The following STK39 variants were observed in gnomAD, a reference collection of about 807,000 sequenced individuals.
STK39 encodes the protein serine/threonine kinase 39, also known as STE20/SPS1-related proline-alanine-rich protein kinase.
In STK39, 20 loss-of-function variants were observed where a neutral mutation model predicts 77.8. That is an observed-to-expected ratio of 0.26 (90% CI 0.18 to 0.37). STK39 has a LOEUF of 0.37. STK39 is among the 10% of genes least tolerant of loss of function. The pLI, the probability that STK39 is intolerant of heterozygous loss-of-function variation, is 1.00. For synonymous variants in STK39, 246 were observed against 234.1 expected (o/e 1.05, Z -0.47); for missense variants, 479 against 656.5 (o/e 0.73, Z 2.95).
intron 16 of STK39, among the ~76,000 whole-genome samples, chr2:167,986,990 C>A (rs566867719): frequency 6.6e-6 from 1 of 152,288 alleles, no homozygotes; most frequent in East Asian, 1.9e-4. Flanking sequence ...AAAGGGCCAA[C>A]AAGACTGTGG....
chr2:168,015,068 A>T (rs1684371865), intron 15 of STK39, among the ~76,000 whole-genome samples: 1 of 152,236 alleles, frequency 6.6e-6, no homozygotes, highest in South Asian at 2.1e-4. Flanking sequence ...GTATGCATGT[A>T]AGTAAGATAC....
At chr2:168,011,867 C>A (rs1684279470) in intron 16 of STK39, among the ~76,000 whole-genome samples, 1 of 152,144 alleles carries the variant, frequency 6.6e-6, no homozygotes, top group African/African-American at 2.4e-5. Context: ...AGTGAAAGAA[C>A]CGGCCTGAAT....
chr2:168,184,227 T>C (rs970943042), intron 1 of STK39, among the ~76,000 whole-genome samples: 5 of 152,118 alleles, frequency 3.3e-5, no homozygotes, highest in African/African-American at 1.2e-4. Flanking sequence ...GAACAAAAAA[T>C]AAGAATTCTA....
At position 167,990,411 on chromosome 2, in the gene STK39, T is replaced by TTGGA. The variant is rs1362130867; in HGVS notation, c.1498+22222_1498+22223insTCCA. ...TACAAACAGATATCCAATTCTTCGT[T>TTGGA]TAGCAGAAGGTGAAATTTGGCACTG... On this transcript the variant is annotated intron_variant, in intron 16 of 17. Transcript: ENST00000355999. Among the ~76,000 whole-genome samples, 26 of 152,336 alleles carry TTGGA rather than the reference T, an allele frequency of 1.7e-4. No homozygotes were observed. The East Asian group carries it at 3.9e-3, about 23-fold the overall frequency.
At chr2:168,102,953 A>AC (rs1686874340) in intron 10 of STK39, among the ~76,000 whole-genome samples, 1 of 151,390 alleles carries the variant, frequency 6.6e-6, no homozygotes, top group Non-Finnish European at 1.5e-5. Flanking sequence ...AAAAAAAAAA[A>AC]AAATCTCTTC....
intron 1 of STK39, among the ~76,000 whole-genome samples, chr2:168,204,384 G>A (rs1004731361): frequency 6.6e-6 from 1 of 152,160 alleles, no homozygotes; most frequent in Non-Finnish European, 1.5e-5. Context: ...ACAAAGGAAA[G>A]AATCTGTCAT....
At chr2:168,193,677 G>A (rs1056755041) in intron 1 of STK39, among the ~76,000 whole-genome samples, 5 of 152,248 alleles carry the variant, frequency 3.3e-5, no homozygotes, top group Non-Finnish European at 5.9e-5. Context: ...TTTAGTCTTG[G>A]GGCTGGGGGC....
chr2:168,055,772 G>C (rs915939409), intron 14 of STK39, among the ~76,000 whole-genome samples: 6 of 152,164 alleles, frequency 3.9e-5, no homozygotes, highest in Admixed American at 3.3e-4. Context: ...AACATGTTTT[G>C]TGCCAAATGC....
chr2:168,132,216 G>A (rs1417967374), intron 8 of STK39, among the ~76,000 whole-genome samples: 1 of 152,152 alleles, frequency 6.6e-6, no homozygotes, highest in East Asian at 1.9e-4. Context: ...TTTTTAATGT[G>A]AAAAGAACCC....
Position 167,955,157 on chromosome 2 carries a change from G to A in STK39, c.*339C>T. 5.7e-6 allele frequency: 1 copy of A among 174,726 alleles called. No homozygotes were observed. Among genetic ancestry groups the A allele is most frequent in the Non-Finnish European group, 1.2e-5 (1 of 81,750 alleles). The allele number at this position is 174,726 out of a possible 1,614,324, so 10.8% of individuals were successfully genotyped here. A position where few individuals can be genotyped will look rare whatever the true frequency, so the allele number is the denominator to read the frequency against. ...TTGTTGCCAATAAATAAGACCACCT[G>A]AGTGTATTTCAGATTCTTTTCACTT... is the stretch of plus-strand genomic sequence containing the variant. On this transcript the variant is annotated 3_prime_UTR_variant, in exon 18 of 18. Transcript: ENST00000355999.
At chr2:167,982,971 C>T (rs915921582) in intron 16 of STK39, among the ~76,000 whole-genome samples, 6 of 152,198 alleles carry the variant, frequency 3.9e-5, no homozygotes, top group Non-Finnish European at 8.8e-5. Context: ...AGGACAGAGA[C>T]ACAATCCATT....
intron 10 of STK39, among the ~76,000 whole-genome samples, chr2:168,088,548 T>C (rs185986228): frequency 1.8e-4 from 28 of 152,320 alleles, no homozygotes; most frequent in African/African-American, 6.3e-4. Flanking sequence ...GAGTTTCAAA[T>C]AGAAACATGT....
intron 10 of STK39, among the ~76,000 whole-genome samples, chr2:168,120,191 T>C (rs565531911): frequency 6.6e-6 from 1 of 152,348 alleles, no homozygotes; most frequent in African/African-American, 2.4e-5. Flanking sequence ...GCCTAACCTA[T>C]TTAACATATC....
At chr2:167,998,320 G>A (rs760582115) in intron 16 of STK39, among the ~76,000 whole-genome samples, 16 of 152,190 alleles carry the variant, frequency 1.1e-4, no homozygotes, top group Non-Finnish European at 2.2e-4. Context: ...TAGATAATTA[G>A]AGTGTTAGTC....
chr2:168,127,145 T>C (rs532021595), intron 10 of STK39, among the ~76,000 whole-genome samples: 1 of 152,266 alleles, frequency 6.6e-6, no homozygotes, highest in East Asian at 1.9e-4. Flanking sequence ...AGTTTTTTGT[T>C]GTTGTTTGTT....
At chr2:168,031,400 G>A (rs887497993) in intron 14 of STK39, among the ~76,000 whole-genome samples, 2 of 152,106 alleles carry the variant, frequency 1.3e-5, no homozygotes, top group African/African-American at 4.8e-5. Context: ...CTGCTGTTCT[G>A]CCCACACAAC....
chr2:168,135,546 A>T (rs1445522365), intron 8 of STK39, among the ~76,000 whole-genome samples: 4 of 152,256 alleles, frequency 2.6e-5, no homozygotes, highest in African/African-American at 9.6e-5. Flanking sequence ...GAGGAAGGGC[A>T]AGAACTCTCC....
intron 1 of STK39, among the ~76,000 whole-genome samples, chr2:168,203,836 C>T (rs1306550147): frequency 2.0e-5 from 3 of 152,224 alleles, no homozygotes; most frequent in Non-Finnish European, 4.4e-5. Context: ...TCAGGTGATC[C>T]ACCCACCTCG....
chr2:168,044,253 C>A (rs1361954905), intron 14 of STK39, among the ~76,000 whole-genome samples: 1 of 152,092 alleles, frequency 6.6e-6, no homozygotes, highest in African/African-American at 2.4e-5. Flanking sequence ...TTTAAGGTAA[C>A]CTTAGACTTA....
Sources: allele counts gnomAD v4.1 joint callset (sites outside exome capture counted in the v4.1 genomes callset), GRCh38; gene constraint gnomAD v4.1.1; transcripts MANE v1.5; gene names NCBI Gene and HGNC (gene_info 2026-07-23, HGNC 2026-07-21).